Variants in PCBP3 observed in about 807,000 individuals in gnomAD.
The protein encoded by PCBP3 is poly(rC)-binding protein 3.
Under a neutral mutation model 52.7 loss-of-function variants are expected in PCBP3, and 25 were observed. The observed-to-expected ratio is 0.47, with a 90% CI of 0.35 to 0.66. The LOEUF (loss-of-function observed/expected upper bound fraction) is 0.66. PCBP3 is among the 30% of genes least tolerant of loss of function. The pLI is 0.01. For synonymous variants in PCBP3, 162 were observed against 183.0 expected (o/e 0.89, Z 0.93); for missense variants, 391 against 490.3 (o/e 0.80, Z 1.91).
intron 4 of PCBP3, among the ~76,000 whole-genome samples, chr21:45,776,943 G>A (rs896884497): frequency 6.6e-6 from 1 of 151,942 alleles, no homozygotes; most frequent in African/African-American, 2.4e-5. Context: ...TATTAATTTG[G>A]GTGGATTTTT....
In PCBP3 at chr21:45,853,337, T is replaced by A. The variant is rs974298028; in HGVS notation, c.10+3242T>A. 1.3e-5 allele frequency among the ~76,000 whole-genome samples: 2 copies of A among 152,206 alleles called. No individual in the cohort carries two copies. The highest frequency in any genetic ancestry group is 3.8e-4 in the East Asian group (2 of 5,206). ...GTGGGTTGGGTGTGCCAATGGCCCTTAAAGGCAGGGCTGGCGTTACTGGTG... is the reference window on the plus strand; with the variant it reads ...GTGGGTTGGGTGTGCCAATGGCCCTAAAAGGCAGGGCTGGCGTTACTGGTG... On this transcript the variant is annotated intron_variant, in intron 5 of 17. Transcript: ENST00000681687. This position sits in a 1 kb window ranked among gnomAD's most constrained non-coding sequence, Gnocchi z 4.6.
chr21:45,710,061 G>T (rs1218557526), intron 2 of PCBP3, among the ~76,000 whole-genome samples: 1 of 152,236 alleles, frequency 6.6e-6, no homozygotes, highest in Non-Finnish European at 1.5e-5. Context: ...CTCACTGTCA[G>T]CATGACTCAT....
chr21:45,867,460 C>T lies in PCBP3; in HGVS notation c.10+17365C>T, dbSNP rs530839735. Reference sequence around the variant, plus strand: ...GGGTGTGCCGCTACGGGGTCCCTGGCGCACCTGCTACCCCTGCTACCCGCA... The same window carrying T: ...GGGTGTGCCGCTACGGGGTCCCTGGTGCACCTGCTACCCCTGCTACCCGCA... On this transcript the variant is annotated intron_variant, in intron 5 of 17. Coordinates refer to ENST00000681687, the MANE Select transcript of PCBP3 (RefSeq NM_001384156.1). 3.9e-5 allele frequency among the ~76,000 whole-genome samples: 6 copies of T among 152,090 alleles called. No individual in the cohort carries two copies. The South Asian group carries it at 1.2e-3, about 31-fold the overall frequency.
chr21:45,940,182 G>C lies in PCBP3; in HGVS notation c.1062G>C (p.Gln354His). 1 of 1,613,170 alleles carries C rather than the reference G, an allele frequency of 6.2e-7. No individual in the cohort carries two copies. The highest frequency in any genetic ancestry group is 8.5e-7 in the Non-Finnish European group (1 of 1,179,436). ...CCCCGGCCAACATCAGCCTTGCCCA[G>C]TATCTCATCAACGCCAGGTGAGCAT... ...TGTPANISLA[Q>H]YLINARLTSE... Residue 354 changes from glutamine to histidine, a missense_variant, in exon 17 of 18, where the codon CAG (glutamine) becomes CAC (histidine). Gln to His is a conservative substitution (Grantham distance 24). Coordinates refer to ENST00000681687, the MANE Select transcript of PCBP3 (RefSeq NM_001384156.1).
chr21:45,815,578 G>A (rs1338079464), intron 4 of PCBP3, among the ~76,000 whole-genome samples: 321 of 95,200 alleles, frequency 3.4e-3, no homozygotes, highest in Middle Eastern at 0.018. Context: ...TGAGTGGTGA[G>A]TGGTGAGTGA....
At chr21:45,794,246 G>A (rs926933249) in intron 4 of PCBP3, among the ~76,000 whole-genome samples, 1 of 152,136 alleles carries the variant, frequency 6.6e-6, no homozygotes, top group African/African-American at 2.4e-5. Flanking sequence ...AGGAACCCTG[G>A]CTCTACAGAA....
At chr21:45,718,293 GT>G (rs1449914764) in intron 2 of PCBP3, among the ~76,000 whole-genome samples, 1 of 149,476 alleles carries the variant, frequency 6.7e-6, no homozygotes, top group African/African-American at 2.5e-5. Context: ...TTTCTATTCT[GT>G]TTAATTTCTA....
intron 1 of PCBP3, among the ~76,000 whole-genome samples, chr21:45,646,105 CTCTGTGTGTGTGTG>C (rs1343072539): frequency 5.7e-4 from 53 of 92,968 alleles, no homozygotes; most frequent in African/African-American, 2.1e-3. Context: ...CTCTCTCTCT[CTCTGTGTGTGTGTG>C]TGTGTGTGTG....
At chr21:45,929,617 G>C (rs1180433079) in intron 13 of PCBP3, among the ~76,000 whole-genome samples, 1 of 152,202 alleles carries the variant, frequency 6.6e-6, no homozygotes, top group South Asian at 2.1e-4. Context: ...CCAGCCTCCT[G>C]TCCACACCAG....
intron 4 of PCBP3, among the ~76,000 whole-genome samples, chr21:45,781,316 C>A (rs910304839): frequency 1.3e-5 from 2 of 152,114 alleles, no homozygotes; most frequent in Non-Finnish European, 2.9e-5. Context: ...TCTTAAAATG[C>A]AGTACTAAGG....
chr21:45,763,265 T>C (rs189115646), intron 4 of PCBP3: 18 of 152,404 alleles, frequency 1.2e-4, no homozygotes, highest in Admixed American at 4.6e-4. Flanking sequence ...TTTCTCTATT[T>C]CTGGCTTAGA....
At chr21:45,914,374 A>T in intron 12 of PCBP3, 1 of 494,506 alleles carries the variant, frequency 2.0e-6, no homozygotes, top group Non-Finnish European at 3.5e-6. Flanking sequence ...TCACGTTGGA[A>T]ACAGCATGGT....
intron 6 of PCBP3, among the ~76,000 whole-genome samples, chr21:45,897,850 T>C (rs779386729): frequency 6.6e-6 from 1 of 152,158 alleles, no homozygotes; most frequent in African/African-American, 2.4e-5. Flanking sequence ...TTCAGCTCCC[T>C]ATATGGAACC....
At chr21:45,693,404 T>C (rs530690835) in intron 2 of PCBP3, among the ~76,000 whole-genome samples, 1 of 152,188 alleles carries the variant, frequency 6.6e-6, no homozygotes, top group Non-Finnish European at 1.5e-5. Flanking sequence ...AAGCATGTTT[T>C]TGTTTTTCTT....
intron 4 of PCBP3, among the ~76,000 whole-genome samples, chr21:45,831,562 A>C (rs1603446753): frequency 6.6e-6 from 1 of 152,140 alleles, no homozygotes. Flanking sequence ...TAGCTTTTCA[A>C]CCTGAATTGT....
chr21:45,718,546 G>A (rs190541299), intron 2 of PCBP3, among the ~76,000 whole-genome samples: 1 of 152,062 alleles, frequency 6.6e-6, no homozygotes, highest in East Asian at 1.9e-4. Context: ...CTGGGCTCTT[G>A]GTTTTCAAGG....
intron 7 of PCBP3, among the ~76,000 whole-genome samples, chr21:45,899,933 C>T (rs117897228): frequency 9.2e-5 from 14 of 152,262 alleles, no homozygotes; most frequent in African/African-American, 1.7e-4. Flanking sequence ...TGATTTCTCA[C>T]GCCTTCTTCA....
chr21:45,815,279 A>G (rs1330225965), intron 4 of PCBP3, among the ~76,000 whole-genome samples: 3 of 48,068 alleles, frequency 6.2e-5, no homozygotes, highest in East Asian at 1.1e-3. Context: ...AGTGGTGAGT[A>G]GTGAGTGATG....
At chr21:45,898,088 G>T (rs926167085) in intron 6 of PCBP3, among the ~76,000 whole-genome samples, 1 of 152,270 alleles carries the variant, frequency 6.6e-6, no homozygotes, top group South Asian at 2.1e-4. Flanking sequence ...CATTCCTGCA[G>T]TGGAGACAGA....
Sources: allele counts gnomAD v4.1 joint callset (sites outside exome capture counted in the v4.1 genomes callset), GRCh38; gene constraint gnomAD v4.1.1; non-coding constraint Gnocchi (gnomAD v3.1); transcripts MANE v1.5; gene names NCBI Gene and HGNC (gene_info 2026-07-23, HGNC 2026-07-21).